PMS1: variants seen among roughly 807,000 people sequenced by gnomAD.
The protein encoded by PMS1 is PMS1 protein homolog 1.
PMS1 carries 79 observed loss-of-function variants against 93.1 expected under a neutral mutation model. The ratio of observed to expected loss-of-function variants is 0.85; its 90% CI spans 0.71 to 1.02. The LOEUF (loss-of-function observed/expected upper bound fraction) is 1.02, where lower values mean the gene tolerates loss of function less well. Ranked by LOEUF, PMS1 falls within the 50% of genes least tolerant of loss-of-function variation. The pLI is 0.00. For synonymous variants in PMS1, 335 were observed against 363.4 expected (o/e 0.92, Z 0.89); for missense variants, 1,064 against 1,085.3 (o/e 0.98, Z 0.28).
intron 4 of PMS1, among the ~76,000 whole-genome samples, chr2:189,811,058 G>C (rs549064559): frequency 7.9e-5 from 12 of 151,644 alleles, no homozygotes; most frequent in African/African-American, 2.9e-4. Flanking sequence ...AATTTCAGCA[G>C]AGAAATGGAA....
chr2:189,855,169 A>G (rs758861573), intron 9 of PMS1, 41 bp downstream of exon 9: 67 of 1,542,898 alleles, frequency 4.3e-5, no homozygotes, highest in African/African-American at 6.8e-5. Flanking sequence ...ATGTTCAGCT[A>G]TTTCCATTCT....
chr2:189,786,309 A>G (rs781563862), intron 1 of PMS1, among the ~76,000 whole-genome samples: 2 of 152,180 alleles, frequency 1.3e-5, no homozygotes, highest in Non-Finnish European at 2.9e-5. Flanking sequence ...ATTTAAATAC[A>G]GAAAGAACCC....
intron 9 of PMS1, among the ~76,000 whole-genome samples, chr2:189,862,536 T>C (rs1410506504): frequency 6.6e-6 from 1 of 152,208 alleles, no homozygotes; most frequent in African/African-American, 2.4e-5. Flanking sequence ...GAGTGATAAC[T>C]TTTGATTGTA....
intron 9 of PMS1, among the ~76,000 whole-genome samples, chr2:189,862,048 A>G (rs1055080579): frequency 6.6e-6 from 1 of 151,884 alleles, no homozygotes; most frequent in Non-Finnish European, 1.5e-5. Context: ...CTGATTATCA[A>G]CCCTAATTTC....
intron 4 of PMS1, among the ~76,000 whole-genome samples, chr2:189,807,281 C>G (rs1360000205): frequency 1.3e-5 from 2 of 151,926 alleles, no homozygotes; most frequent in Admixed American, 6.6e-5. Context: ...AAAATGAGCT[C>G]AAGTCTAACA....
At chr2:189,826,964 T>A (rs2052487236) in intron 5 of PMS1, among the ~76,000 whole-genome samples, 1 of 152,204 alleles carries the variant, frequency 6.6e-6, no homozygotes, top group Non-Finnish European at 1.5e-5. Flanking sequence ...AATTCCTTGG[T>A]GACCTCTTAT....
Position 189,852,713 on chromosome 2 carries a change from C to A in PMS1, c.758C>A (p.Ser253Ter). 1.3e-6 allele frequency: 2 copies of A among 1,589,704 alleles called. No individual in the cohort carries two copies. The highest frequency in any genetic ancestry group is 1.7e-6 in the Non-Finnish European group (2 of 1,158,112). Residue 253 changes from serine (S) to a stop codon, truncating the protein, a stop_gained, in exon 7 of 13, where the codon TCA becomes TAA. Coordinates refer to ENST00000441310, the MANE Select transcript of PMS1 (RefSeq NM_000534.5). LOFTEE classifies it high-confidence loss of function. ...CDADHSFTSL[S>*]TPERSFIFIN... is the part of the protein sequence containing the mutation. ...GCAGACCACTCTTTCACTAGTCTTT[C>A]AACACCAGAAAGAAGTTTCATCTTC... is the stretch of plus-strand genomic sequence containing the variant.
chr2:189,786,092 C>T (rs1293393378), intron 1 of PMS1, among the ~76,000 whole-genome samples: 5 of 151,866 alleles, frequency 3.3e-5, no homozygotes, highest in Non-Finnish European at 5.9e-5. Flanking sequence ...TGCACTCTGG[C>T]CTGGGCAACA....
chr2:189,855,405 A>G (rs562341647), intron 9 of PMS1, among the ~76,000 whole-genome samples: 1 of 149,916 alleles, frequency 6.7e-6, no homozygotes, highest in African/African-American at 2.5e-5. Flanking sequence ...TTTTCCATTC[A>G]TCTTCTCAAT....
rs147566508 is a variant in PMS1 at position 189,877,393 on chromosome 2, G to A, written c.2756G>A (p.Arg919His). 5.2e-5 allele frequency: 84 copies of A among 1,612,772 alleles called. No individual in the cohort carries two copies. The African/African-American group carries it at 8.3e-4, about 16-fold the overall frequency. ...GNEIKECVHG[R>H]PFFHHLTYLP... ...GAAATTAAAGAGTGTGTTCATGGTC[G>A]CCCATTTTTTCATCATTTAACCTAT... The change falls in exon 13 of 13, where the codon CGC becomes CAC. Residue 919 changes from arginine to histidine, a missense_variant. Coordinates refer to ENST00000441310, the MANE Select transcript of PMS1 (RefSeq NM_000534.5).
chr2:189,816,402 A>G (rs144596524), intron 4 of PMS1, among the ~76,000 whole-genome samples: 29 of 152,264 alleles, frequency 1.9e-4, no homozygotes, highest in African/African-American at 7.0e-4. Context: ...TAGGTGAGAA[A>G]TTTGATGTTA....
chr2:189,788,174 A>T (rs2048532994), intron 1 of PMS1, among the ~76,000 whole-genome samples: 1 of 152,176 alleles, frequency 6.6e-6, no homozygotes, highest in Admixed American at 6.5e-5. Context: ...TATACCCCAA[A>T]GTTTTGTTGA....
chr2:189,828,910 C>T (rs1006108270), intron 5 of PMS1, among the ~76,000 whole-genome samples: 15 of 147,346 alleles, frequency 1.0e-4, no homozygotes, highest in African/African-American at 3.6e-4. Flanking sequence ...AAAAAGAGGA[C>T]GTAGAAGGAT....
intron 3 of PMS1, among the ~76,000 whole-genome samples, chr2:189,796,469 C>G (rs2049365875): frequency 6.6e-6 from 1 of 152,138 alleles, no homozygotes; most frequent in South Asian, 2.1e-4. Flanking sequence ...TATCTATAAC[C>G]ATTATTCATC....
In PMS1 at chr2:189,795,923, C is replaced by G. The variant is rs139414606; in HGVS notation, c.287C>G (p.Ala96Gly). ...ACAACTTACGGTTTTCGTGGAGAAG[C>G]CTTGGGGTCAATTTGTTGTATAGCT... The part of the protein sequence containing the change: ...NLTTYGFRGE[A>G]LGSICCIAEV... Residue 96 changes from alanine to glycine, a missense_variant, in exon 3 of 13, where the codon GCC becomes GGC. Ala to Gly is a moderately conservative substitution (Grantham distance 60, BLOSUM62 0). Transcript: ENST00000441310. The G allele has an allele frequency of 5.6e-6, 9 of 1,612,606 alleles. No individual in the cohort carries two copies. The highest frequency in any genetic ancestry group is 1.7e-5 in the Admixed American group (1 of 59,988).
intron 3 of PMS1, among the ~76,000 whole-genome samples, chr2:189,796,395 A>G (rs1430480835): frequency 6.6e-6 from 1 of 152,158 alleles, no homozygotes; most frequent in Non-Finnish European, 1.5e-5. Context: ...AAAATGTATC[A>G]TTTTAATTAT....
intron 8 of PMS1, 66 bp downstream of exon 8, chr2:189,854,148 A>C (rs1478373078): frequency 7.2e-7 from 1 of 1,384,074 alleles, no homozygotes; most frequent in South Asian, 1.4e-5. Context: ...TTCATATAAA[A>C]AGATTTGTTT....
At chr2:189,807,878 A>G (rs1362133157) in intron 4 of PMS1, among the ~76,000 whole-genome samples, 3 of 152,350 alleles carry the variant, frequency 2.0e-5, no homozygotes, top group African/African-American at 7.2e-5. Flanking sequence ...ATTGCTTTTC[A>G]TAACTCAGTT....
At chr2:189,787,603 A>T (rs11490592) in intron 1 of PMS1, among the ~76,000 whole-genome samples, 5 of 149,228 alleles carry the variant, frequency 3.4e-5, no homozygotes, top group South Asian at 2.1e-4. Flanking sequence ...TCACTTTTTT[A>T]TTTTTTTTTT....
Sources: gnomAD v4.1 joint callset for allele counts (sites outside exome capture counted in the v4.1 genomes callset) on GRCh38, gnomAD v4.1.1 for gene constraint, MANE v1.5 for transcripts, NCBI Gene and HGNC (gene_info 2026-07-23, HGNC 2026-07-21) for gene names.